The following SDK2 variants were observed in gnomAD, a reference collection of about 807,000 sequenced individuals.
SDK2 encodes the protein protein sidekick-2.
A neutral mutation model predicts 253.9 loss-of-function variants in SDK2; 105 were observed. That is an observed-to-expected ratio of 0.41 (90% confidence interval 0.35 to 0.49). SDK2 has a LOEUF of 0.49. Ranked by LOEUF, SDK2 falls within the 20% of genes least tolerant of loss-of-function variation. SDK2 has a pLI of 0.06. For synonymous variants in SDK2, 1,249 were observed against 1,234.9 expected, an observed-to-expected ratio of 1.01 and a Z score of -0.24; for missense variants, 2,608 against 3,003.0, an observed-to-expected ratio of 0.87 and a Z score of 3.07.
intron 1 of SDK2, among the ~76,000 whole-genome samples, chr17:73,538,553 A>G (rs1478542227): frequency 6.6e-6 from 1 of 152,234 alleles, no homozygotes; most frequent in Non-Finnish European, 1.5e-5. Context: ...TGCACAGGTG[A>G]CATTTGAAAA....
At chr17:73,425,036 A>G (rs1390369701) in intron 12 of SDK2, among the ~76,000 whole-genome samples, 1 of 152,224 alleles carries the variant, frequency 6.6e-6, no homozygotes, top group Admixed American at 6.5e-5. Flanking sequence ...TCTGGCCAAC[A>G]TGGCAAAACC....
At chr17:73,556,477 C>A (rs74644618) in intron 1 of SDK2, among the ~76,000 whole-genome samples, 1 of 152,216 alleles carries the variant, frequency 6.6e-6, no homozygotes, top group African/African-American at 2.4e-5. Context: ...GGGCGATGCT[C>A]ACTGGACATG....
intron 4 of SDK2, among the ~76,000 whole-genome samples, chr17:73,453,970 C>T (rs1156478090): frequency 6.6e-6 from 1 of 152,150 alleles, no homozygotes; most frequent in African/African-American, 2.4e-5. Context: ...TTAAAAAAAT[C>T]TTTTACACCA....
chr17:73,553,757 G>C (rs984196223), intron 1 of SDK2, among the ~76,000 whole-genome samples: 1 of 152,168 alleles, frequency 6.6e-6, no homozygotes, highest in African/African-American at 2.4e-5. Flanking sequence ...CCCCCTTCCT[G>C]AGGAGGTGCT....
At chr17:73,640,861 G>A (rs961660351) in intron 1 of SDK2, among the ~76,000 whole-genome samples, 4 of 152,196 alleles carry the variant, frequency 2.6e-5, no homozygotes, top group African/African-American at 7.2e-5. Flanking sequence ...AACTTCTGGA[G>A]CAGCTGGCTC....
intron 1 of SDK2, among the ~76,000 whole-genome samples, chr17:73,522,861 A>T (rs1426834692): frequency 6.6e-6 from 1 of 152,054 alleles, no homozygotes; most frequent in African/African-American, 2.4e-5. Flanking sequence ...ATTCAAATGG[A>T]GTTTGTGTCT....
At chr17:73,580,471 A>C (rs981213754) in intron 1 of SDK2, among the ~76,000 whole-genome samples, 11 of 152,192 alleles carry the variant, frequency 7.2e-5, no homozygotes, top group East Asian at 1.9e-4. Context: ...CCTGACCAGC[A>C]CTGGCTTCTC....
At chr17:73,372,714 C>T (rs2062745503) in intron 36 of SDK2, among the ~76,000 whole-genome samples, 1 of 151,810 alleles carries the variant, frequency 6.6e-6, no homozygotes, top group Admixed American at 6.6e-5. Flanking sequence ...GCACTCCAGC[C>T]TGGGTGACAG....
Position 73,380,967 on chromosome 17 carries a change from C to CGGATTGTTGTA in SDK2, c.4706-18_4706-17insTACAACAATCC. ...AGTACATGGCTATGGGGTGGGGGTG[C>CGGATTGTTGTA]CGGGGCGGGGGCGCAGAGGGAGACA... On this transcript the variant is annotated splice_polypyrimidine_tract_variant and intron_variant, in intron 33 of 44. Coordinates refer to ENST00000392650, the MANE Select transcript of SDK2 (RefSeq NM_001144952.2). 1.0e-6 allele frequency: 1 copy of CGGATTGTTGTA among 985,114 alleles called. No homozygotes were observed. The highest frequency in any genetic ancestry group is 1.5e-6 in the Non-Finnish European group (1 of 651,198). The allele number at this position is 985,114 out of a possible 1,614,324, so 61.0% of individuals were successfully genotyped here. A position where few individuals can be genotyped will look rare whatever the true frequency, so the allele number is the denominator to read the frequency against.
At chr17:73,584,828 C>T (rs7216833) in intron 1 of SDK2, among the ~76,000 whole-genome samples, 27,613 of 152,270 alleles carry the variant, frequency 0.18, 2,706 homozygotes, top group African/African-American at 0.23. Context: ...CCTCTCCTGC[C>T]ACCACATCCC....
Position 73,644,183 on chromosome 17 carries a change from G to C in SDK2, c.-95C>G, listed in dbSNP as rs773029427. The C allele has an allele frequency of 2.6e-5, 27 of 1,058,376 alleles. No individual in the cohort carries two copies. The highest frequency in any genetic ancestry group is 3.8e-5 in the Non-Finnish European group (27 of 704,868). The allele number at this position is 1,058,376 out of a possible 1,614,324, so 65.6% of individuals were successfully genotyped here. On this transcript the variant is annotated 5_prime_UTR_variant, in exon 1 of 45. Coordinates refer to ENST00000392650, the MANE Select transcript of SDK2 (RefSeq NM_001144952.2). This position sits in a 1 kb window ranked among gnomAD's most constrained non-coding sequence, Gnocchi z 6.3. ...TCCGATACCCCGTGGCTTAGTCCCA[G>C]GAAACAGTCAGTCTACGCGGCTCCG... is the stretch of plus-strand genomic sequence containing the variant.
At chr17:73,544,493 G>C (rs894121336) in intron 1 of SDK2, among the ~76,000 whole-genome samples, 2 of 152,236 alleles carry the variant, frequency 1.3e-5, no homozygotes, top group African/African-American at 4.8e-5. Flanking sequence ...GGAGTGGATG[G>C]ATGGATGGAA....
chr17:73,489,770 G>C (rs998751554), intron 2 of SDK2, among the ~76,000 whole-genome samples: 1 of 152,190 alleles, frequency 6.6e-6, no homozygotes, highest in Non-Finnish European at 1.5e-5. Context: ...GTGTGGCTGA[G>C]GCTCTCTGCT....
chr17:73,601,637 C>T (rs941749678), intron 1 of SDK2, among the ~76,000 whole-genome samples: 7 of 152,226 alleles, frequency 4.6e-5, no homozygotes, highest in South Asian at 2.1e-4. Flanking sequence ...TCACCAGTAG[C>T]GCCCAGAGCT....
At chr17:73,560,150 C>T (rs2045210765) in intron 1 of SDK2, among the ~76,000 whole-genome samples, 1 of 152,196 alleles carries the variant, frequency 6.6e-6, no homozygotes, top group African/African-American at 2.4e-5. Context: ...CTTACAGCCT[C>T]AGTTTCCTCA....
At chr17:73,437,910 C>T (rs182190397) in intron 7 of SDK2, 54 bp downstream of exon 7, 368 of 1,589,550 alleles carry the variant, frequency 2.3e-4, no homozygotes, top group Non-Finnish European at 2.8e-4. Context: ...GGAGGACCCT[C>T]GCCGTGCTGC....
rs779539793 is a variant in SDK2, at chr17:73,419,294, G to A, written c.2058C>T (p.Pro686=). The change falls in exon 16 of 45, where the codon CCC becomes CCT. Residue 686 remains proline, a synonymous_variant. Coordinates refer to ENST00000392650, the MANE Select transcript of SDK2 (RefSeq NM_001144952.2). ...GTGGAGGGGCCGTGGGGGGCTCCTC[G>A]GGGAGGGAGACCCTGGATCACAAAA... ...FSKDTERVSL[P]EEPPTAPPQN... The A allele has an allele frequency of 5.0e-6, 8 of 1,612,232 alleles. No homozygotes were observed. The East Asian group carries it at 6.7e-5, about 13-fold the overall frequency.
chr17:73,363,506 G>A (rs776842748), intron 38 of SDK2, among the ~76,000 whole-genome samples: 4 of 152,182 alleles, frequency 2.6e-5, no homozygotes, highest in African/African-American at 9.6e-5. Flanking sequence ...TCATCTGCCT[G>A]GACCTTGGTT....
At chr17:73,398,897 C>T (rs978067745) in intron 22 of SDK2, among the ~76,000 whole-genome samples, 13 of 152,076 alleles carry the variant, frequency 8.5e-5, no homozygotes, top group Admixed American at 1.3e-4. Flanking sequence ...ACAGCCAAGG[C>T]GGATATTTTT....
Sources: allele counts gnomAD v4.1 joint callset (sites outside exome capture counted in the v4.1 genomes callset), GRCh38; gene constraint gnomAD v4.1.1; non-coding constraint Gnocchi (gnomAD v3.1); transcripts MANE v1.5; gene names NCBI Gene and HGNC (gene_info 2026-07-23, HGNC 2026-07-21).